The following KCNIP1 variants were observed in gnomAD, a reference collection of about 807,000 sequenced individuals.
KCNIP1 encodes the protein potassium voltage-gated channel interacting protein 1.
In KCNIP1, 18 loss-of-function variants were observed where a neutral mutation model predicts 33.0. That is an observed-to-expected ratio of 0.55 (90% CI 0.38 to 0.81). The LOEUF is 0.81. Among genes scored for constraint, KCNIP1 ranks in the 30% least tolerant of loss-of-function variants. KCNIP1 has a pLI of 0.00. For missense variants in KCNIP1, 238 were observed against 271.6 expected (o/e 0.88, Z 0.87); for synonymous variants, 93 against 98.3 (o/e 0.95, Z 0.32).
intron 1 of KCNIP1, among the ~76,000 whole-genome samples, chr5:170,477,047 A>AT (rs1756871337): frequency 6.6e-6 from 1 of 152,198 alleles, no homozygotes; most frequent in Non-Finnish European, 1.5e-5. Flanking sequence ...GGAAGCTGTA[A>AT]GTGTATGGAG....
chr5:170,720,214 C>A (rs879147163), intron 2 of KCNIP1, 107 bp from the exon 3 acceptor site: 6 of 766,798 alleles, frequency 7.8e-6, no homozygotes, highest in Non-Finnish European at 1.4e-5. Context: ...ATGCACAGGT[C>A]CCTGTCCCTG....
chr5:170,430,039 A>T (rs1161611955), intron 1 of KCNIP1, among the ~76,000 whole-genome samples: 1 of 152,164 alleles, frequency 6.6e-6, no homozygotes, highest in East Asian at 1.9e-4. Context: ...AGATTTCACC[A>T]CTTATTCCTC....
Position 170,554,134 on chromosome 5 carries a change from G to GTT in KCNIP1, c.61+49511_61+49512dup, listed in dbSNP as rs58157482. Among the ~76,000 whole-genome samples the GTT allele has an allele frequency of 2.7e-4, 40 of 149,276 alleles. No individual in the cohort carries two copies. The South Asian group carries it at 3.6e-3, about 14-fold the overall frequency. On this transcript the variant is annotated intron_variant, in intron 1 of 7. Transcript: ENST00000328939. ...CCTGGATGGACAGATGCCATGCAAA[G>GTT]TTTTTTTTTTTAATTTTTTAAAAAT...
intron 1 of KCNIP1, among the ~76,000 whole-genome samples, chr5:170,689,142 T>G (rs1762637389): frequency 6.6e-6 from 1 of 152,144 alleles, no homozygotes; most frequent in African/African-American, 2.4e-5. Context: ...CCAACAGAGA[T>G]GTGGAAATTT....
chr5:170,701,020 C>A (rs1480763296), intron 1 of KCNIP1, among the ~76,000 whole-genome samples: 1 of 152,144 alleles, frequency 6.6e-6, no homozygotes, highest in Non-Finnish European at 1.5e-5. Context: ...CACAGCACAA[C>A]CATTATCCCA....
chr5:170,649,457 T>G (rs1760944106), intron 1 of KCNIP1, among the ~76,000 whole-genome samples: 1 of 152,184 alleles, frequency 6.6e-6, no homozygotes, highest in Non-Finnish European at 1.5e-5. Flanking sequence ...AGGCTCTTGA[T>G]GAAGGAGTGA....
At chr5:170,461,184 T>A (rs1756493455) in intron 1 of KCNIP1, among the ~76,000 whole-genome samples, 1 of 152,088 alleles carries the variant, frequency 6.6e-6, no homozygotes, top group Non-Finnish European at 1.5e-5. Context: ...TGGAAACACA[T>A]CCAATGCTCA....
In KCNIP1 at chr5:170,451,723, TTGTG is replaced by T. The variant is rs67542248; in HGVS notation, c.88+97803_88+97806del. 8.0e-3 allele frequency among the ~76,000 whole-genome samples: 980 copies of T among 122,916 alleles called. 5 individuals carry two copies. The highest frequency in any genetic ancestry group is 0.016 in the African/African-American group (493 of 31,100). 80.6% of individuals were successfully genotyped at this position (122,916 alleles called of 152,430 possible). A position where few individuals can be genotyped will look rare whatever the true frequency, so the allele number is the denominator to read the frequency against. ...GACAGTTGCTTCAGCTTCTCCTGCA[TTGTG>T]TGTGTGTGTGTGTGTGTGTGTGTGT... On this transcript the variant is annotated intron_variant, in intron 1 of 7. Coordinates refer to the KCNIP1 transcript ENST00000377360.
chr5:170,589,034 T>C (rs1479939697), intron 1 of KCNIP1, among the ~76,000 whole-genome samples: 1 of 146,098 alleles, frequency 6.8e-6, no homozygotes, highest in Non-Finnish European at 1.5e-5. Context: ...AGTCTCGCTC[T>C]GTAGCCCAGG....
intron 1 of KCNIP1, among the ~76,000 whole-genome samples, chr5:170,371,999 G>A (rs983358427): frequency 1.2e-4 from 19 of 152,132 alleles, no homozygotes; most frequent in African/African-American, 4.3e-4. Flanking sequence ...ACTACCCAGA[G>A]TTAGCTCAGA....
At chr5:170,450,585 C>T (rs1333330101) in intron 1 of KCNIP1, among the ~76,000 whole-genome samples, 1 of 152,164 alleles carries the variant, frequency 6.6e-6, no homozygotes, top group Admixed American at 6.5e-5. Flanking sequence ...TGTGTTCTAG[C>T]TCCTGCCTGC....
At chr5:170,547,095 A>G (rs982503808) in intron 1 of KCNIP1, among the ~76,000 whole-genome samples, 1 of 152,100 alleles carries the variant, frequency 6.6e-6, no homozygotes, top group African/African-American at 2.4e-5. Context: ...TCTGGCTTTC[A>G]TTGTTATTGT....
chr5:170,501,296 C>G (rs1009819338), upstream of KCNIP1, among the ~76,000 whole-genome samples: 4 of 151,912 alleles, frequency 2.6e-5, no homozygotes, highest in African/African-American at 9.7e-5. Context: ...ACATTCCAGG[C>G]AAGGGGAACA....
At chr5:170,424,085 A>G (rs901044117) in intron 1 of KCNIP1, among the ~76,000 whole-genome samples, 1 of 152,182 alleles carries the variant, frequency 6.6e-6, no homozygotes. Context: ...CATCGCCATC[A>G]CTGCCGTCAA....
At chr5:170,564,891 A>G (rs1034305622) in intron 1 of KCNIP1, among the ~76,000 whole-genome samples, 4 of 151,958 alleles carry the variant, frequency 2.6e-5, no homozygotes, top group African/African-American at 9.7e-5. Flanking sequence ...TTCATTTGCC[A>G]TATACAGAAA....
chr5:170,427,433 C>G (rs570076036), intron 1 of KCNIP1, among the ~76,000 whole-genome samples: 2 of 152,196 alleles, frequency 1.3e-5, no homozygotes, highest in Admixed American at 6.5e-5. Context: ...CCCTATGAGG[C>G]GGGCATTCTT....
chr5:170,588,999 T>C (rs965857318), intron 1 of KCNIP1, among the ~76,000 whole-genome samples: 2 of 146,744 alleles, frequency 1.4e-5, no homozygotes, highest in African/African-American at 2.5e-5. Flanking sequence ...CTTACTTCTT[T>C]TTTTTTTTTT....
chr5:170,479,959 A>G (rs192504643), intron 1 of KCNIP1, among the ~76,000 whole-genome samples: 67 of 152,342 alleles, frequency 4.4e-4, no homozygotes, highest in African/African-American at 1.6e-3. Flanking sequence ...TGTTTACAAA[A>G]TTATTTAACC....
chr5:170,426,615 G>A (rs190559133), intron 1 of KCNIP1, among the ~76,000 whole-genome samples: 2 of 152,388 alleles, frequency 1.3e-5, no homozygotes, highest in East Asian at 3.9e-4. Flanking sequence ...CTGTGAGCAT[G>A]GAGGGCAGTC....
Sources: gnomAD v4.1 joint callset for allele counts (sites outside exome capture counted in the v4.1 genomes callset) on GRCh38, gnomAD v4.1.1 for gene constraint, MANE v1.5 for transcripts, NCBI Gene and HGNC (gene_info 2026-07-23, HGNC 2026-07-21) for gene names.